Variants in COPG2 observed in about 807,000 individuals in gnomAD.
COPG2 encodes coat protein complex I subunit gamma 2.
Under a neutral mutation model 46.3 loss-of-function variants are expected in COPG2, and 37 were observed. That is an observed-to-expected ratio of 0.80 (90% CI 0.61 to 1.05). COPG2 has a LOEUF of 1.05. Ranked by LOEUF, COPG2 falls within the 50% of genes least tolerant of loss-of-function variation. The probability of loss-of-function intolerance (pLI) is 0.00; values close to 1 mark genes in which losing one functional copy is unlikely to be tolerated. For missense variants in COPG2, 427 were observed against 387.8 expected (o/e 1.10, Z -0.85); for synonymous variants, 159 against 129.7 (o/e 1.23, Z -1.53).
Position 130,651,494 on chromosome 7 carries a change from A to ATTT in COPG2, c.323+1372_323+1374dup, listed in dbSNP as rs59572019. Among the ~76,000 whole-genome samples the ATTT allele has an allele frequency of 6.6e-4, 38 of 57,240 alleles. 1 individual carries two copies. The highest frequency in any genetic ancestry group is 7.6e-4 in the South Asian group (1 of 1,308). The allele number at this position is 57,240 out of a possible 152,430, so 37.6% of individuals were successfully genotyped here. A position where few individuals can be genotyped will look rare whatever the true frequency, so the allele number is the denominator to read the frequency against. On this transcript the variant is annotated intron_variant, in intron 5 of 23. Transcript: ENST00000425248. ...ACCAATGCCTGGCTAATTTTTTTGT[A>ATTT]TTTTTTTTTTTTTTTTTTTTTTTTT... is the stretch of plus-strand genomic sequence containing the variant.
chr7:130,619,272 G>C (rs1458567549), intron 5 of COPG2, among the ~76,000 whole-genome samples: 2 of 152,088 alleles, frequency 1.3e-5, no homozygotes, highest in African/African-American at 4.8e-5. Flanking sequence ...TTTTACAAAA[G>C]TTCAATTAAT....
intron 9 of COPG2, among the ~76,000 whole-genome samples, chr7:130,596,298 C>T (rs922924817): frequency 2.6e-5 from 4 of 152,210 alleles, no homozygotes; most frequent in Non-Finnish European, 4.4e-5. Context: ...TCTCATGCTT[C>T]TTCCTCATAC....
At chr7:130,537,875 G>T (rs1799896717) in intron 20 of COPG2, among the ~76,000 whole-genome samples, 2 of 152,220 alleles carry the variant, frequency 1.3e-5, no homozygotes, top group South Asian at 4.1e-4. Context: ...GAAACAGGGT[G>T]TAGAGGTGTT....
intron 20 of COPG2, among the ~76,000 whole-genome samples, chr7:130,528,228 T>A (rs1429156384): frequency 6.6e-6 from 1 of 151,830 alleles, no homozygotes; most frequent in Non-Finnish European, 1.5e-5. Context: ...GGGACAGCAG[T>A]GAGCGCTGAT....
chr7:130,603,812 GT>G (rs200378847), intron 9 of COPG2: 8,272 of 519,022 alleles, frequency 0.016, 112 homozygotes, highest in Non-Finnish European at 0.023. Context: ...ACAACATGGG[GT>G]TAACAGTGCC....
chr7:130,506,254 G>GTGTT lies in COPG2; in HGVS notation c.*418_*421dup, dbSNP rs1261266783. On this transcript the variant is annotated 3_prime_UTR_variant, in exon 24 of 24. Coordinates refer to ENST00000425248, the MANE Select transcript of COPG2 (RefSeq NM_012133.6). ...TATAACAACTTTGAAACTGGAATAA[G>GTGTT]TGTTTATTTTCTATTAATAAAAATG... 6.6e-6 allele frequency: 1 copy of GTGTT among 152,116 alleles called. No individual in the cohort carries two copies. The highest frequency in any genetic ancestry group is 2.4e-5 in the African/African-American group (1 of 41,368). The allele number at this position is 152,116 out of a possible 1,614,324, so 9.4% of individuals were successfully genotyped here.
chr7:130,628,647 C>T lies in COPG2; in HGVS notation c.324-11582G>A, dbSNP rs182873619. 6.6e-5 allele frequency among the ~76,000 whole-genome samples: 10 copies of T among 152,248 alleles called. No individual in the cohort carries two copies. The East Asian group carries it at 1.2e-3, about 18-fold the overall frequency. On this transcript the variant is annotated intron_variant, in intron 5 of 23. Transcript: ENST00000425248. ...TTTCCAGTGTTCTTTTTGTGTAGCT[C>T]CAAGTTTCTGCTTGGTATCATATTC...
At chr7:130,558,812 A>T (rs1793672302) in intron 12 of COPG2, among the ~76,000 whole-genome samples, 1 of 152,134 alleles carries the variant, frequency 6.6e-6, no homozygotes, top group Admixed American at 6.6e-5. Context: ...GTGAGCTACC[A>T]CACCTGGCTT....
intron 9 of COPG2, among the ~76,000 whole-genome samples, chr7:130,570,169 C>A (rs1374573764): frequency 6.6e-6 from 1 of 152,142 alleles, no homozygotes; most frequent in Non-Finnish European, 1.5e-5. Flanking sequence ...ACTTTCATCA[C>A]TTCTATTCAA....
chr7:130,639,382 G>C (rs993760271), intron 5 of COPG2, among the ~76,000 whole-genome samples: 2 of 151,936 alleles, frequency 1.3e-5, no homozygotes, highest in Non-Finnish European at 2.9e-5. Flanking sequence ...CCTACAACTG[G>C]GTCATTTTGG....
intron 6 of COPG2, among the ~76,000 whole-genome samples, chr7:130,616,520 G>A (rs868983905): frequency 6.6e-6 from 1 of 152,102 alleles, no homozygotes; most frequent in African/African-American, 2.4e-5. Context: ...AACCCGGGAG[G>A]CGGAGGTTGC....
intron 20 of COPG2, among the ~76,000 whole-genome samples, chr7:130,520,455 T>A (rs1421596053): frequency 3.9e-5 from 6 of 152,218 alleles, no homozygotes; most frequent in African/African-American, 1.4e-4. Context: ...AATTCAGATA[T>A]CACCAGCTAT....
chr7:130,626,595 G>A (rs782291168), intron 5 of COPG2, among the ~76,000 whole-genome samples: 7 of 151,926 alleles, frequency 4.6e-5, no homozygotes, highest in Non-Finnish European at 7.4e-5. Context: ...GAACGAAATC[G>A]GCCAGAAGTC....
intron 9 of COPG2, among the ~76,000 whole-genome samples, chr7:130,591,716 C>T (rs1241828251): frequency 2.0e-4 from 27 of 136,378 alleles, no homozygotes; most frequent in South Asian, 7.2e-4. Flanking sequence ...CCGCCCAGTC[C>T]GGGAAGGAGG....
chr7:130,611,783 T>C (rs1204113146), intron 8 of COPG2, among the ~76,000 whole-genome samples: 3 of 152,216 alleles, frequency 2.0e-5, no homozygotes, highest in African/African-American at 7.2e-5. Context: ...CAAAGTTTCA[T>C]AAAGTAAAAG....
At chr7:130,593,741 T>C (rs1335128830) in intron 9 of COPG2, among the ~76,000 whole-genome samples, 1 of 147,742 alleles carries the variant, frequency 6.8e-6, no homozygotes. Flanking sequence ...ATTAAATTGC[T>C]ACCTTATACT....
intron 20 of COPG2, among the ~76,000 whole-genome samples, chr7:130,538,200 TG>T (rs1173274777): frequency 2.1e-4 from 32 of 152,016 alleles, no homozygotes; most frequent in Non-Finnish European, 4.0e-4. Context: ...GGAGCATGTC[TG>T]GAAGATGAAA....
intron 20 of COPG2, among the ~76,000 whole-genome samples, chr7:130,534,766 G>A (rs1325167571): frequency 1.3e-5 from 2 of 152,118 alleles, no homozygotes; most frequent in African/African-American, 2.4e-5. Flanking sequence ...AGGGAAAGAG[G>A]AAACGGTGGA....
intron 5 of COPG2, among the ~76,000 whole-genome samples, chr7:130,632,833 T>C (rs1040596607): frequency 2.0e-5 from 3 of 152,090 alleles, no homozygotes; most frequent in Non-Finnish European, 4.4e-5. Flanking sequence ...CCACGGTGGT[T>C]TGCTGCACCC....
Sources: gnomAD v4.1 joint callset for allele counts (sites outside exome capture counted in the v4.1 genomes callset) on GRCh38, gnomAD v4.1.1 for gene constraint, MANE v1.5 for transcripts, NCBI Gene and HGNC (gene_info 2026-07-23, HGNC 2026-07-21) for gene names.